SLC38A10: variants seen among roughly 807,000 people sequenced by gnomAD.
SLC38A10 encodes Sodium-coupled neutral amino acid transporter 10.
In SLC38A10, 53 loss-of-function variants were observed where a neutral mutation model predicts 81.0. The ratio of observed to expected loss-of-function variants is 0.65; its 90% confidence interval spans 0.53 to 0.82. The LOEUF (loss-of-function observed/expected upper bound fraction) is 0.82, where lower values mean the gene tolerates loss of function less well. Ranked by LOEUF, SLC38A10 falls within the 40% of genes least tolerant of loss-of-function variation. The pLI, the probability that SLC38A10 is intolerant of heterozygous loss-of-function variation, is 0.00. For synonymous variants in SLC38A10, 665 were observed against 655.3 expected (o/e 1.01, Z -0.23); for missense variants, 1,471 against 1,545.0 (o/e 0.95, Z 0.80).
At position 81,246,331 on chromosome 17, in the gene SLC38A10, T is replaced by C. The variant is rs1598374051; in HGVS notation, c.2585A>G (p.Asp862Gly). 1 of 1,608,856 alleles carries C rather than the reference T, an allele frequency of 6.2e-7. No homozygotes were observed. ...PKGPEQVPVP[D>G]PAREAGGPEE... ...TGGGCCCCCGGCTTCCCTGGCGGGG[T>C]CTGGCACGGGCACCTGCTCCGGGCC... Residue 862 changes from aspartate (D) to glycine (G), a missense_variant, in exon 16 of 16, where the codon GAC becomes GGC. Transcript: ENST00000374759.
intron 2 of SLC38A10, 156 bp from the exon 3 acceptor site, chr17:81,285,051 T>C (rs1314790953): frequency 5.6e-6 from 3 of 533,526 alleles, no homozygotes; most frequent in Non-Finnish European, 6.6e-6. Context: ...GCTGCCAGGT[T>C]ATTTTTGGAT....
chr17:81,260,165 C>A, intron 11 of SLC38A10, 73 bp downstream of exon 11: 1 of 1,504,222 alleles, frequency 6.6e-7, no homozygotes, highest in Non-Finnish European at 8.9e-7. Context: ...TAAGCACAAT[C>A]CTCGGACCAG....
In SLC38A10 at chr17:81,277,838, G is replaced by T. The variant is rs968033308; in HGVS notation, c.627-705C>A. Among the ~76,000 whole-genome samples, 2 of 152,244 alleles carry T rather than the reference G, an allele frequency of 1.3e-5. No individual in the cohort carries two copies. Among genetic ancestry groups the T allele is most frequent in the African/African-American group, 2.4e-5 (1 of 41,466 alleles). On this transcript the variant is annotated intron_variant, in intron 6 of 15. Transcript: ENST00000374759. The surrounding 1 kb of genome is among the most constrained non-coding windows in gnomAD (Gnocchi z 4.5). ...ACAAGGGAGAGGCTGGGGCCATGGAGCATCTGTGTGCAGCCGGGGAGAAGG... is the reference window on the plus strand; with the variant it reads ...ACAAGGGAGAGGCTGGGGCCATGGATCATCTGTGTGCAGCCGGGGAGAAGG...
In SLC38A10 at chr17:81,283,817, G is replaced by A. The variant is rs1366414893; in HGVS notation, c.264-315C>T. On this transcript the variant is annotated intron_variant, in intron 3 of 15. Transcript: ENST00000374759. The surrounding 1 kb of genome is among the most constrained non-coding windows in gnomAD (Gnocchi z 4.7). ...GTAGAGACGGGGTTGCACCGTGTTA[G>A]CCAGGATGGTCTCGATCTCCTGACC... Among the ~76,000 whole-genome samples the A allele has an allele frequency of 6.6e-6, 1 of 151,432 alleles. No individual in the cohort carries two copies. The highest frequency in any genetic ancestry group is 2.4e-5 in the African/African-American group (1 of 41,312).
intron 10 of SLC38A10, among the ~76,000 whole-genome samples, chr17:81,261,604 G>A (rs1444110285): frequency 2.6e-5 from 4 of 152,256 alleles, no homozygotes; most frequent in Admixed American, 2.6e-4. Context: ...CTCCGAAGCT[G>A]GTGGCAGCTG....
intron 11 of SLC38A10, among the ~76,000 whole-genome samples, chr17:81,257,434 C>T (rs982186297): frequency 1.2e-4 from 19 of 152,166 alleles, no homozygotes; most frequent in Admixed American, 3.9e-4. Flanking sequence ...GTGTCCCCCG[C>T]GCCTCTCCTC....
chr17:81,267,735 A>G (rs2063081685), intron 10 of SLC38A10, among the ~76,000 whole-genome samples: 1 of 152,136 alleles, frequency 6.6e-6, no homozygotes, highest in Admixed American at 6.5e-5. Context: ...GCTGAATAAA[A>G]ACAATAAAAA....
intron 14 of SLC38A10, among the ~76,000 whole-genome samples, chr17:81,248,084 A>T (rs1373261474): frequency 6.7e-6 from 1 of 149,680 alleles, no homozygotes; most frequent in Admixed American, 6.7e-5. Flanking sequence ...CAGCCTCCCG[A>T]GTAGCTGGGA....
At chr17:81,284,772 C>G in intron 3 of SLC38A10, 78 bp downstream of exon 3, 1 of 1,194,234 alleles carries the variant, frequency 8.4e-7, no homozygotes, top group Non-Finnish European at 1.1e-6. Flanking sequence ...GGGGATGAAA[C>G]TGCCGCTCCC....
In SLC38A10 at chr17:81,251,544, G is replaced by T; in HGVS notation, c.2014C>A (p.Gln672Lys). The T allele has an allele frequency of 6.5e-7, 1 of 1,527,280 alleles. No individual in the cohort carries two copies. Among genetic ancestry groups the T allele is most frequent in the Non-Finnish European group, 8.8e-7 (1 of 1,141,778 alleles). 94.6% of individuals were successfully genotyped at this position (1,527,280 alleles called of 1,614,324 possible). A position where few individuals can be genotyped will look rare whatever the true frequency, so the allele number is the denominator to read the frequency against. Residue 672 changes from glutamine to lysine, a missense_variant, in exon 14 of 16, where the codon CAG (glutamine) becomes AAG (lysine). Coordinates refer to ENST00000374759, the MANE Select transcript of SLC38A10 (RefSeq NM_001037984.3). ...CCACCCGCTCGCTCCACGTCCCTCT[G>T]CTCGCGAGGCTCGGGCGGCAGCCCA... is the stretch of plus-strand genomic sequence containing the variant. The part of the protein sequence containing the change: ...GPGLPPEPRE[Q>K]RDVERAGGNQ...
chr17:81,250,286 A>G (rs924566575), intron 14 of SLC38A10, among the ~76,000 whole-genome samples: 1 of 152,214 alleles, frequency 6.6e-6, no homozygotes, highest in Non-Finnish European at 1.5e-5. Flanking sequence ...AGTGGCTCAG[A>G]GCTCCGGGAG....
At chr17:81,259,296 G>A (rs1044699782) in intron 11 of SLC38A10, among the ~76,000 whole-genome samples, 1 of 152,244 alleles carries the variant, frequency 6.6e-6, no homozygotes, top group East Asian at 1.9e-4. Flanking sequence ...GGGGCTCCTC[G>A]GGTGGTGGGC....
intron 1 of SLC38A10, among the ~76,000 whole-genome samples, chr17:81,292,925 C>A (rs1161629263): frequency 5.3e-5 from 8 of 152,046 alleles, no homozygotes; most frequent in Admixed American, 5.2e-4. Context: ...GGGTGGATCA[C>A]CTGAGATCAG....
chr17:81,268,028 G>A (rs1329339208), intron 10 of SLC38A10, among the ~76,000 whole-genome samples: 1 of 151,536 alleles, frequency 6.6e-6, no homozygotes, highest in Non-Finnish European at 1.5e-5. Flanking sequence ...TCCACATTCT[G>A]TGTGCAAAAA....
chr17:81,270,876 C>T lies in SLC38A10; in HGVS notation c.1131+42G>A, dbSNP rs1195516641. The T allele has an allele frequency of 2.6e-6, 4 of 1,567,662 alleles. No homozygotes were observed. The highest frequency in any genetic ancestry group is 3.5e-6 in the Non-Finnish European group (4 of 1,138,336). On this transcript the variant is annotated intron_variant, in intron 10 of 15. Coordinates refer to ENST00000374759, the MANE Select transcript of SLC38A10 (RefSeq NM_001037984.3). This position sits in a 1 kb window ranked among gnomAD's most constrained non-coding sequence, Gnocchi z 4.0. ...CGCCTCCACCTCTCCCCAGCCCAGA[C>T]CCATCAGCCCTCGTCCAGGCCACCC...
In SLC38A10 at chr17:81,253,354, C is replaced by T. The variant is rs76611814; in HGVS notation, c.1289-114G>A. ...CCAAATGGCAGAGTCAAAGCAGTTT[C>T]TTTTTCCTGTTCGATCATTAGCAGC... On this transcript the variant is annotated intron_variant, in intron 11 of 15. Transcript: ENST00000374759. The surrounding 1 kb of genome is among the most constrained non-coding windows in gnomAD (Gnocchi z 4.1). 21,649 of 1,312,026 alleles carry T rather than the reference C, an allele frequency of 0.017. 425 individuals are homozygous for T. Among genetic ancestry groups the T allele is most frequent in the African/African-American group, 0.09 (6,066 of 67,724 alleles). The allele number at this position is 1,312,026 out of a possible 1,614,324, so 81.3% of individuals were successfully genotyped here.
chr17:81,260,403 A>T lies in SLC38A10; in HGVS notation c.1132-9T>A. On this transcript the variant is annotated splice_polypyrimidine_tract_variant and intron_variant, in intron 10 of 15. Coordinates refer to ENST00000374759, the MANE Select transcript of SLC38A10 (RefSeq NM_001037984.3). ...CCGACCCACAGCACCACCTGAGGAG[A>T]CAAAGACCCCAGGGGCGGGAGTCAC... 2 of 1,608,642 alleles carry T rather than the reference A, an allele frequency of 1.2e-6. No individual in the cohort carries two copies. Among genetic ancestry groups the T allele is most frequent in the South Asian group, 2.2e-5 (2 of 90,582 alleles).
At chr17:81,282,980 CTG>C (rs2063228893) in intron 4 of SLC38A10, among the ~76,000 whole-genome samples, 1 of 152,202 alleles carries the variant, frequency 6.6e-6, no homozygotes, top group South Asian at 2.1e-4. Flanking sequence ...GTGGGCCTCT[CTG>C]TGGTGGGGGG....
At chr17:81,271,323 G>A (rs568003291) in intron 9 of SLC38A10, among the ~76,000 whole-genome samples, 4 of 152,284 alleles carry the variant, frequency 2.6e-5, no homozygotes, top group South Asian at 4.1e-4. Flanking sequence ...CTCCTGCGCC[G>A]CCTCTCCTGC....
Sources: allele counts gnomAD v4.1 joint callset (sites outside exome capture counted in the v4.1 genomes callset), GRCh38; gene constraint gnomAD v4.1.1; non-coding constraint Gnocchi (gnomAD v3.1); transcripts MANE v1.5; gene names NCBI Gene and HGNC (gene_info 2026-07-23, HGNC 2026-07-21).